Variants in ADGRL3 observed in about 807,000 individuals in gnomAD.
ADGRL3 encodes adhesion G protein-coupled receptor L3.
ADGRL3 carries 62 observed loss-of-function variants against 153.5 expected under a neutral mutation model. The observed-to-expected ratio is 0.40, with a 90% CI of 0.33 to 0.50. The LOEUF is 0.50. Ranked by LOEUF, ADGRL3 falls within the 20% of genes least tolerant of loss-of-function variation. ADGRL3 has a pLI of 0.47. For missense variants in ADGRL3, 1,641 were observed against 1,859.4 expected, an observed-to-expected ratio of 0.88 and a Z score of 2.16; for synonymous variants, 710 against 672.5, an observed-to-expected ratio of 1.06 and a Z score of -0.86.
In ADGRL3 at chr4:62,070,584, A is replaced by C. The variant is rs1201422655; in HGVS notation, c.4308A>C (p.Leu1436=). 3.2e-6 allele frequency: 5 copies of C among 1,551,208 alleles called. No individual in the cohort carries two copies. Among genetic ancestry groups the C allele is most frequent in the Non-Finnish European group, 4.4e-6 (5 of 1,146,962 alleles). ...QDHSESFFPL[L]TNEHTEDLQS... ...ACAGTGAGAGCTTTTTCCCTTTGCT[A>C]ACCAACGAGCACACAGAAGATCTCC... Residue 1436 remains leucine, a synonymous_variant, in exon 27 of 27, where the codon CTA becomes CTC. Transcript: ENST00000683033.
At chr4:61,668,776 G>A (rs770724088) in intron 5 of ADGRL3, among the ~76,000 whole-genome samples, 1 of 152,110 alleles carries the variant, frequency 6.6e-6, no homozygotes, top group Non-Finnish European at 1.5e-5. Context: ...TCCAACACTC[G>A]AGAGGCTGAG....
At chr4:62,029,150 G>C (rs1017339406) in intron 22 of ADGRL3, among the ~76,000 whole-genome samples, 5 of 151,784 alleles carry the variant, frequency 3.3e-5, no homozygotes, top group Non-Finnish European at 5.9e-5. Flanking sequence ...CTGTGGTACA[G>C]ACTTGTTTCT....
intron 6 of ADGRL3, among the ~76,000 whole-genome samples, chr4:61,712,369 T>A (rs996168590): frequency 1.8e-4 from 27 of 151,822 alleles, no homozygotes; most frequent in Non-Finnish European, 8.8e-5. Context: ...CACTGCAGCC[T>A]AGGTGAGAGA....
At chr4:62,058,358 G>A (rs1243265316) in intron 25 of ADGRL3, among the ~76,000 whole-genome samples, 3 of 152,094 alleles carry the variant, frequency 2.0e-5, no homozygotes, top group Non-Finnish European at 4.4e-5. Context: ...CTGGACAATT[G>A]ACACTCTTAA....
At chr4:61,730,942 A>G (rs1185714149) in intron 7 of ADGRL3, among the ~76,000 whole-genome samples, 1 of 151,892 alleles carries the variant, frequency 6.6e-6, no homozygotes, top group Non-Finnish European at 1.5e-5. Context: ...TTTCTATGCT[A>G]GTTAATTTTT....
At chr4:61,467,231 A>G (rs998606129) in intron 2 of ADGRL3, among the ~76,000 whole-genome samples, 1 of 152,080 alleles carries the variant, frequency 6.6e-6, no homozygotes, top group Non-Finnish European at 1.5e-5. Flanking sequence ...TTTATTTTAG[A>G]TATGTTTTGT....
rs908658600 is a variant in ADGRL3 at position 61,557,990 on chromosome 4, G to A, written c.260-29237G>A. Reference sequence around the variant, plus strand: ...TGCAACTTACAGCAACCTTGATATCGGGCTTGTGAAATGATTTCAAAAGTG... The same window carrying A: ...TGCAACTTACAGCAACCTTGATATCAGGCTTGTGAAATGATTTCAAAAGTG... On this transcript the variant is annotated intron_variant, in intron 4 of 26. Coordinates refer to ENST00000683033, the MANE Select transcript of ADGRL3 (RefSeq NM_001387552.1). 1.3e-5 allele frequency among the ~76,000 whole-genome samples: 2 copies of A among 151,086 alleles called. 1 individual carries two copies. Among genetic ancestry groups the A allele is most frequent in the Non-Finnish European group, 3.0e-5 (2 of 67,768 alleles).
chr4:61,455,789 T>C (rs1319937852), intron 2 of ADGRL3, among the ~76,000 whole-genome samples: 1 of 152,024 alleles, frequency 6.6e-6, no homozygotes, highest in African/African-American at 2.4e-5. Flanking sequence ...AGAATAAATG[T>C]TCTCAGAGAA....
intron 1 of ADGRL3, among the ~76,000 whole-genome samples, chr4:61,289,929 A>G (rs999478412): frequency 1.2e-4 from 19 of 152,154 alleles, no homozygotes; most frequent in African/African-American, 4.6e-4. Context: ...AATCTGTAGC[A>G]TAGTGCTTAA....
At chr4:61,682,067 C>T (rs1353383366) in intron 6 of ADGRL3, among the ~76,000 whole-genome samples, 1 of 151,856 alleles carries the variant, frequency 6.6e-6, no homozygotes, top group Non-Finnish European at 1.5e-5. Flanking sequence ...GCAAATAAGA[C>T]CTTATTAATT....
chr4:61,646,892 A>C (rs1580068748), intron 5 of ADGRL3, among the ~76,000 whole-genome samples: 1 of 152,222 alleles, frequency 6.6e-6, no homozygotes, highest in East Asian at 1.9e-4. Flanking sequence ...GCCGAATTGC[A>C]GTTTGATCTT....
At position 61,809,556 on chromosome 4, in the gene ADGRL3, G is replaced by T. The variant is rs534828087; in HGVS notation, c.1400-4253G>T. Among the ~76,000 whole-genome samples the T allele has an allele frequency of 3.3e-5, 5 of 151,594 alleles. No homozygotes were observed. In the South Asian group the frequency reaches 1.0e-3, roughly 32 times the overall value. On this transcript the variant is annotated intron_variant, in intron 8 of 26. Transcript: ENST00000683033. The stretch of plus-strand genomic sequence containing the variant: ...GTGCTGTTCATGAAAATTAAATTAG[G>T]CCTTCCTTGAGCACCCTATTTAAAA...
chr4:61,968,852 C>A (rs1240151229), intron 17 of ADGRL3, among the ~76,000 whole-genome samples: 1 of 152,122 alleles, frequency 6.6e-6, no homozygotes, highest in African/African-American at 2.4e-5. Context: ...GTCAAATATG[C>A]AGATAGATGA....
At chr4:61,535,402 T>G (rs2152972856) in intron 4 of ADGRL3, among the ~76,000 whole-genome samples, 1 of 152,172 alleles carries the variant, frequency 6.6e-6, no homozygotes, top group African/African-American at 2.4e-5. Flanking sequence ...GTAGTTTTCA[T>G]TTGTTGTGTC....
At chr4:61,440,129 A>G (rs2097509484) in intron 2 of ADGRL3, among the ~76,000 whole-genome samples, 1 of 151,926 alleles carries the variant, frequency 6.6e-6, no homozygotes. Flanking sequence ...GCTCGCTGCA[A>G]CCTCCACCTC....
rs542114515 is a variant in ADGRL3 at position 61,474,621 on chromosome 4, A to G, written c.-173-22500A>G. ...AGGAAGAGTGAGAACATTTTAAATA[A>G]CAAGAAAGACAAATATGAGAAATGT... On this transcript the variant is annotated intron_variant, in intron 2 of 26. Coordinates refer to ENST00000683033, the MANE Select transcript of ADGRL3 (RefSeq NM_001387552.1). 4.6e-5 allele frequency among the ~76,000 whole-genome samples: 7 copies of G among 152,276 alleles called. No homozygotes were observed. In the South Asian group the frequency reaches 1.2e-3, roughly 27 times the overall value.
intron 5 of ADGRL3, among the ~76,000 whole-genome samples, chr4:61,634,767 A>G (rs953323788): frequency 6.6e-6 from 1 of 152,198 alleles, no homozygotes; most frequent in Non-Finnish European, 1.5e-5. Flanking sequence ...AACCTAAAAA[A>G]TAAAATATTT....
At chr4:61,866,108 A>T (rs62304402) in intron 9 of ADGRL3, among the ~76,000 whole-genome samples, 3 of 152,164 alleles carry the variant, frequency 2.0e-5, no homozygotes, top group Non-Finnish European at 4.4e-5. Flanking sequence ...TTGGGCTTCC[A>T]GGCAAGCACC....
chr4:61,307,437 A>G (rs2094833146), intron 1 of ADGRL3, among the ~76,000 whole-genome samples: 1 of 152,178 alleles, frequency 6.6e-6, no homozygotes, highest in Admixed American at 6.5e-5. Context: ...CACGTAGCAA[A>G]TGAATCATGA....
Sources: gnomAD v4.1 joint callset for allele counts (sites outside exome capture counted in the v4.1 genomes callset) on GRCh38, gnomAD v4.1.1 for gene constraint, MANE v1.5 for transcripts, NCBI Gene and HGNC (gene_info 2026-07-23, HGNC 2026-07-21) for gene names.